RCBTB1: variants seen among roughly 807,000 people sequenced by gnomAD.
RCBTB1 encodes RCC1 and BTB domain containing protein 1.
A neutral mutation model predicts 62.4 loss-of-function variants in RCBTB1; 46 were observed. That is an observed-to-expected ratio of 0.74 (90% CI 0.58 to 0.94). The LOEUF (loss-of-function observed/expected upper bound fraction) is 0.94, where lower values mean the gene tolerates loss of function less well. RCBTB1 is among the 40% of genes least tolerant of loss of function. RCBTB1 has a pLI of 0.00. For missense variants in RCBTB1, 565 were observed against 654.9 expected (o/e 0.86, Z 1.50); for synonymous variants, 222 against 245.8 (o/e 0.90, Z 0.91).
rs535602260 is a variant in RCBTB1 at position 49,568,669 on chromosome 13, A to G, written c.-41-1349T>C. Among the ~76,000 whole-genome samples the G allele has an allele frequency of 4.6e-5, 7 of 151,710 alleles. No homozygotes were observed. The East Asian group carries it at 1.4e-3, about 30-fold the overall frequency. On this transcript the variant is annotated intron_variant, in intron 2 of 12. Coordinates refer to ENST00000378302, the MANE Select transcript of RCBTB1 (RefSeq NM_018191.4). Reference sequence around the variant, plus strand: ...AGGCCGGGGGAGGGGGGTGGCTCACACCTGTAATCCCAGCACTTTGGGAGG... The same window carrying G: ...AGGCCGGGGGAGGGGGGTGGCTCACGCCTGTAATCCCAGCACTTTGGGAGG...
At chr13:49,569,367 A>G (rs1028468548) in intron 2 of RCBTB1, among the ~76,000 whole-genome samples, 8 of 152,144 alleles carry the variant, frequency 5.3e-5, no homozygotes, top group African/African-American at 1.9e-4. Context: ...TGAGCCCAGC[A>G]GTTTGAGACC....
intron 4 of RCBTB1, among the ~76,000 whole-genome samples, chr13:49,564,216 G>A (rs892002209): frequency 6.6e-6 from 1 of 152,176 alleles, no homozygotes; most frequent in Non-Finnish European, 1.5e-5. Context: ...ATGAATGCCA[G>A]AGAACAGATG....
chr13:49,566,706 A>G lies in RCBTB1; in HGVS notation c.189T>C (p.Leu63=). ...CLGTGDNQST[L]VPKKLEGLCG... ...ATAAGCCTTCTAGCTTTTTGGGTAC[A>G]AGTGTACTCTGGTTATCTCCAGTTC... The change falls in exon 4 of 13, where the codon CTT becomes CTC. Residue 63 remains leucine (L), a synonymous_variant. Transcript: ENST00000378302. The G allele has an allele frequency of 1.2e-6, 2 of 1,614,080 alleles. No individual in the cohort carries two copies. The highest frequency in any genetic ancestry group is 1.7e-6 in the Non-Finnish European group (2 of 1,179,934).
At position 49,534,087 on chromosome 13, in the gene RCBTB1, C is replaced by G. The variant is rs977363110; in HGVS notation, c.*35G>C. 2 of 1,602,006 alleles carry G rather than the reference C, an allele frequency of 1.2e-6. No homozygotes were observed. The highest frequency in any genetic ancestry group is 1.7e-6 in the Non-Finnish European group (2 of 1,172,458). On this transcript the variant is annotated 3_prime_UTR_variant, in exon 13 of 13. Coordinates refer to ENST00000378302, the MANE Select transcript of RCBTB1 (RefSeq NM_018191.4). ...ACTGGACACATCCTCAACAGTGCCCCAGAGCACTCACACAGAACCCAGCAG... is the reference window on the plus strand; with the variant it reads ...ACTGGACACATCCTCAACAGTGCCCGAGAGCACTCACACAGAACCCAGCAG...
intron 12 of RCBTB1, 40 bp from the exon 13 acceptor site, chr13:49,534,302 T>A (rs749105066): frequency 1.6e-5 from 25 of 1,594,336 alleles, no homozygotes; most frequent in East Asian, 2.2e-5. Flanking sequence ...ATGGCTTTTT[T>A]AGGCAACTTT....
chr13:49,542,860 C>A (rs1329071489), intron 10 of RCBTB1, among the ~76,000 whole-genome samples: 1 of 152,184 alleles, frequency 6.6e-6, no homozygotes, highest in Non-Finnish European at 1.5e-5. Context: ...GCCACCTGCA[C>A]AAGAAACTGA....
intron 12 of RCBTB1, among the ~76,000 whole-genome samples, chr13:49,538,593 C>T (rs1051642709): frequency 6.6e-5 from 10 of 151,826 alleles, no homozygotes; most frequent in African/African-American, 1.9e-4. Flanking sequence ...GGCACACATC[C>T]GTAGTCCCAG....
At chr13:49,574,519 G>A (rs1001845926) in intron 2 of RCBTB1, among the ~76,000 whole-genome samples, 2 of 152,086 alleles carry the variant, frequency 1.3e-5, no homozygotes, top group African/African-American at 4.8e-5. Flanking sequence ...TTTACCCCTA[G>A]GCTGTTAGAA....
intron 2 of RCBTB1, among the ~76,000 whole-genome samples, chr13:49,568,914 C>T (rs185425243): frequency 9.2e-5 from 14 of 152,096 alleles, no homozygotes; most frequent in East Asian, 3.9e-4. Context: ...GGTGACAGAG[C>T]GAGACTCTGT....
intron 8 of RCBTB1, among the ~76,000 whole-genome samples, chr13:49,550,698 C>T (rs967962128): frequency 1.3e-5 from 2 of 152,204 alleles, no homozygotes; most frequent in Non-Finnish European, 2.9e-5. Context: ...AGCAAGACTG[C>T]AGTAATTATA....
At chr13:49,560,612 A>ATTT (rs60783473) in intron 4 of RCBTB1, among the ~76,000 whole-genome samples, 4 of 148,338 alleles carry the variant, frequency 2.7e-5, no homozygotes, top group South Asian at 2.1e-4. Context: ...ATCTGGCTGA[A>ATTT]TTTTTTTTTT....
chr13:49,570,689 C>A (rs1231455787), intron 2 of RCBTB1, among the ~76,000 whole-genome samples: 1 of 152,212 alleles, frequency 6.6e-6, no homozygotes, highest in Non-Finnish European at 1.5e-5. Context: ...TTATCCCTAG[C>A]AAGACAATCA....
At position 49,566,782 on chromosome 13, in the gene RCBTB1, A is replaced by C; in HGVS notation, c.127-14T>G. 1 of 1,590,902 alleles carries C rather than the reference A, an allele frequency of 6.3e-7. No homozygotes were observed. The highest frequency in any genetic ancestry group is 8.5e-7 in the Non-Finnish European group (1 of 1,171,252). ...AAATACAAAGACCTAGAAAATAGAT[A>C]GTTTTTTTTCTGAGTCTTTTGACCG... On this transcript the variant is annotated splice_polypyrimidine_tract_variant and intron_variant, in intron 3 of 12. Transcript: ENST00000378302.
At chr13:49,539,593 C>T (rs7995006) in intron 12 of RCBTB1, 10,575 of 152,114 alleles carry the variant, frequency 0.07, 461 homozygotes, top group South Asian at 0.14. Flanking sequence ...TTCTAACATC[C>T]GTCACCAAAT....
chr13:49,554,069 G>C (rs1206238877), intron 6 of RCBTB1, among the ~76,000 whole-genome samples: 1 of 152,166 alleles, frequency 6.6e-6, no homozygotes, highest in African/African-American at 2.4e-5. Flanking sequence ...CGCATAAATG[G>C]TCTGATCACA....
intron 4 of RCBTB1, among the ~76,000 whole-genome samples, chr13:49,564,794 G>C (rs911795255): frequency 2.0e-5 from 3 of 151,768 alleles, no homozygotes; most frequent in Non-Finnish European, 4.4e-5. Flanking sequence ...GGGAGGCTGA[G>C]GCAGGAGAAT....
chr13:49,559,918 C>G lies in RCBTB1; in HGVS notation c.444G>C (p.Glu148Asp), dbSNP rs779598028. The G allele has an allele frequency of 1.2e-6, 2 of 1,610,228 alleles. No individual in the cohort carries two copies. The highest frequency in any genetic ancestry group is 4.5e-5 in the East Asian group (2 of 44,872). The change falls in exon 5 of 13, where the codon GAG (glutamate) becomes GAC (aspartate). Residue 148 changes from glutamate to aspartate, a missense_variant and splice_region_variant. Transcript: ENST00000378302. ...TAAAGAATAAAAGCAGCATACTTAC[C>G]TCTCCATCAGCTGCCAGAGCCATTG... ...HHSMALAADG[E>D]VFAWGYNNCG...
At chr13:49,553,190 G>C (rs1249578166) in intron 6 of RCBTB1, among the ~76,000 whole-genome samples, 1 of 152,058 alleles carries the variant, frequency 6.6e-6, no homozygotes, top group East Asian at 1.9e-4. Context: ...TAGAAGGAAA[G>C]GCAAGAGCTC....
chr13:49,548,938 G>A (rs1228394094), intron 9 of RCBTB1, among the ~76,000 whole-genome samples: 4 of 134,854 alleles, frequency 3.0e-5, no homozygotes, highest in African/African-American at 1.3e-4. Flanking sequence ...TTCGAGAACA[G>A]CCTGGCCAAC....
Sources: gnomAD v4.1 joint callset for allele counts (sites outside exome capture counted in the v4.1 genomes callset) on GRCh38, gnomAD v4.1.1 for gene constraint, MANE v1.5 for transcripts, NCBI Gene and HGNC (gene_info 2026-07-23, HGNC 2026-07-21) for gene names.